Variants in EFCAB11 observed in about 807,000 individuals in gnomAD.
EFCAB11 encodes EF-hand calcium binding domain 11.
A neutral mutation model predicts 23.0 loss-of-function variants in EFCAB11; 14 were observed. The ratio of observed to expected loss-of-function variants is 0.61; its 90% CI spans 0.40 to 0.95. EFCAB11 has a LOEUF of 0.95. EFCAB11 is among the 40% of genes least tolerant of loss of function. The pLI is 0.00. For synonymous variants in EFCAB11, 65 were observed against 66.6 expected (o/e 0.98, Z 0.11); for missense variants, 198 against 195.8 (o/e 1.01, Z -0.07).
chr14:89,925,550 A>G (rs1407787392), intron 5 of EFCAB11, among the ~76,000 whole-genome samples: 3 of 152,172 alleles, frequency 2.0e-5, no homozygotes, highest in Non-Finnish European at 4.4e-5. Context: ...TAATGGGTAG[A>G]AATTCTGACT....
chr14:89,896,249 C>T (rs917216444), intron 5 of EFCAB11, among the ~76,000 whole-genome samples: 1 of 151,970 alleles, frequency 6.6e-6, no homozygotes, highest in Non-Finnish European at 1.5e-5. Context: ...CCGGGCGTGG[C>T]GGCGGACCCC....
chr14:89,799,709 G>C (rs533206323), intron 5 of EFCAB11, among the ~76,000 whole-genome samples: 1 of 149,820 alleles, frequency 6.7e-6, no homozygotes, highest in Admixed American at 6.8e-5. Flanking sequence ...CAAGACCTTT[G>C]TCTTCTTTGC....
At chr14:89,925,492 G>A (rs1290178762) in intron 5 of EFCAB11, among the ~76,000 whole-genome samples, 2 of 152,226 alleles carry the variant, frequency 1.3e-5, no homozygotes, top group East Asian at 1.9e-4. Context: ...AGTACAAACA[G>A]TACTATAGTA....
intron 5 of EFCAB11, among the ~76,000 whole-genome samples, chr14:89,827,547 G>T (rs374173579): frequency 1.3e-5 from 2 of 151,058 alleles, no homozygotes; most frequent in East Asian, 3.9e-4. Flanking sequence ...AGAAGGGTGA[G>T]TTTGGAGCCC....
intron 5 of EFCAB11, among the ~76,000 whole-genome samples, chr14:89,807,204 T>C (rs1403437471): frequency 3.9e-5 from 6 of 152,252 alleles, no homozygotes; most frequent in Non-Finnish European, 5.9e-5. Flanking sequence ...TAGCAGGTTA[T>C]GATCTGGCTA....
chr14:89,948,143 A>G (rs1891043123), intron 3 of EFCAB11, among the ~76,000 whole-genome samples: 1 of 152,230 alleles, frequency 6.6e-6, no homozygotes, highest in Non-Finnish European at 1.5e-5. Flanking sequence ...TCAACAGTTT[A>G]AAATTTCCCT....
intron 5 of EFCAB11, among the ~76,000 whole-genome samples, chr14:89,917,676 A>G (rs759556737): frequency 4.6e-5 from 7 of 152,240 alleles, no homozygotes; most frequent in Non-Finnish European, 1.0e-4. Flanking sequence ...TTGACCATTA[A>G]CAAGTACCAG....
At chr14:89,898,297 C>A (rs1381303278) in intron 5 of EFCAB11, among the ~76,000 whole-genome samples, 1 of 152,156 alleles carries the variant, frequency 6.6e-6, no homozygotes. Context: ...CATGACCCTA[C>A]AAGAAACTGT....
intron 3 of EFCAB11, among the ~76,000 whole-genome samples, chr14:89,933,638 T>C (rs1192679746): frequency 6.6e-6 from 1 of 152,236 alleles, no homozygotes; most frequent in Non-Finnish European, 1.5e-5. Flanking sequence ...TAGGACCTAC[T>C]ATGGGCCAGG....
At chr14:89,868,430 T>C (rs1050979388) in intron 5 of EFCAB11, among the ~76,000 whole-genome samples, 1 of 152,222 alleles carries the variant, frequency 6.6e-6, no homozygotes, top group Admixed American at 6.5e-5. Context: ...AGGAAAGATA[T>C]GTCAATTTTG....
chr14:89,922,549 T>G (rs1890052899), intron 5 of EFCAB11, among the ~76,000 whole-genome samples: 1 of 152,170 alleles, frequency 6.6e-6, no homozygotes, highest in Non-Finnish European at 1.5e-5. Context: ...TCCTGGGGCT[T>G]GACTAGACTC....
In EFCAB11 at chr14:89,845,998, C is replaced by T. The variant is rs1306331973; in HGVS notation, c.411-48674G>A. ...CAAATTGCCCGGATTTGAATATTGG[C>T]TCCATCATTTACAAGCTGAGTGACC... On this transcript the variant is annotated intron_variant, in intron 5 of 5. Transcript: ENST00000316738. Among the ~76,000 whole-genome samples the T allele has an allele frequency of 2.0e-5, 3 of 152,254 alleles. No homozygotes were observed. The East Asian group carries it at 5.8e-4, about 29-fold the overall frequency.
At chr14:89,896,868 T>C (rs1168843304) in intron 5 of EFCAB11, among the ~76,000 whole-genome samples, 1 of 152,050 alleles carries the variant, frequency 6.6e-6, no homozygotes, top group African/African-American at 2.4e-5. Context: ...GGGCTATATG[T>C]ATGTGCCACC....
chr14:89,930,532 T>C (rs947256834), intron 5 of EFCAB11, among the ~76,000 whole-genome samples: 2 of 152,174 alleles, frequency 1.3e-5, no homozygotes, highest in Admixed American at 6.5e-5. Flanking sequence ...ATATATATCC[T>C]GAAAAGGAGT....
At chr14:89,842,438 C>T (rs956308509) in intron 5 of EFCAB11, among the ~76,000 whole-genome samples, 3 of 152,070 alleles carry the variant, frequency 2.0e-5, no homozygotes, top group Non-Finnish European at 4.4e-5. Flanking sequence ...AAAATGCAAA[C>T]ATTAGCCAAG....
chr14:89,871,966 G>A (rs561052394), intron 5 of EFCAB11, among the ~76,000 whole-genome samples: 3 of 152,326 alleles, frequency 2.0e-5, no homozygotes, highest in Admixed American at 1.3e-4. Flanking sequence ...CCTATGACGG[G>A]GCTCCGATTT....
At chr14:89,908,727 C>T (rs1040904288) in intron 5 of EFCAB11, among the ~76,000 whole-genome samples, 2 of 151,962 alleles carry the variant, frequency 1.3e-5, no homozygotes, top group African/African-American at 4.8e-5. Context: ...TCCATCTTAT[C>T]GAAGGTATTG....
At chr14:89,897,741 T>A (rs1465330719) in intron 5 of EFCAB11, among the ~76,000 whole-genome samples, 1 of 152,220 alleles carries the variant, frequency 6.6e-6, no homozygotes, top group African/African-American at 2.4e-5. Flanking sequence ...ATTTACAAAT[T>A]TACATCTAGT....
At chr14:89,854,417 G>T (rs1887688937) in intron 5 of EFCAB11, among the ~76,000 whole-genome samples, 2 of 152,046 alleles carry the variant, frequency 1.3e-5, no homozygotes, top group South Asian at 4.2e-4. Context: ...CCTCATTCAG[G>T]ATACTAAGCT....
Sources: allele counts gnomAD v4.1 joint callset (sites outside exome capture counted in the v4.1 genomes callset), GRCh38; gene constraint gnomAD v4.1.1; transcripts MANE v1.5; gene names NCBI Gene and HGNC (gene_info 2026-07-23, HGNC 2026-07-21).